EFNA5: variants seen among roughly 807,000 people sequenced by gnomAD.
The protein encoded by EFNA5 is ephrin-A5.
EFNA5 carries 5 observed loss-of-function variants against 22.9 expected under a neutral mutation model. That is an observed-to-expected ratio of 0.22 (90% confidence interval 0.11 to 0.46). EFNA5 has a LOEUF of 0.46. Ranked by LOEUF, EFNA5 falls within the 20% of genes least tolerant of loss-of-function variation. The pLI is 0.99. For synonymous variants in EFNA5, 113 were observed against 112.2 expected (o/e 1.01, Z -0.04); for missense variants, 237 against 293.3 (o/e 0.81, Z 1.40).
intron 1 of EFNA5, among the ~76,000 whole-genome samples, chr5:107,591,554 G>A (rs368219731): frequency 1.3e-5 from 2 of 151,728 alleles, no homozygotes; most frequent in Admixed American, 6.6e-5. Flanking sequence ...CGGGTGCAGT[G>A]GCTCACACTG....
At chr5:107,658,549 G>A (rs1330380857) in intron 1 of EFNA5, among the ~76,000 whole-genome samples, 1 of 152,126 alleles carries the variant, frequency 6.6e-6, no homozygotes, top group Non-Finnish European at 1.5e-5. Flanking sequence ...TTCTTAAATG[G>A]CAAATAATTT....
At chr5:107,467,791 T>C (rs1430825735) in intron 1 of EFNA5, among the ~76,000 whole-genome samples, 1 of 152,156 alleles carries the variant, frequency 6.6e-6, no homozygotes, top group Non-Finnish European at 1.5e-5. Context: ...CCACGCTGTC[T>C]TTCCCAGGCA....
chr5:107,635,659 A>G (rs143580660), intron 1 of EFNA5, among the ~76,000 whole-genome samples: 100 of 152,334 alleles, frequency 6.6e-4, no homozygotes, highest in African/African-American at 2.2e-3. Context: ...ATGGGTGTTT[A>G]AGAGAAATGG....
rs116344055 is a variant in EFNA5, at chr5:107,624,535, C to T, written c.125+45954G>A. Among the ~76,000 whole-genome samples the T allele has an allele frequency of 1.0e-2, 1,516 of 152,214 alleles. 26 individuals carry two copies. The highest frequency in any genetic ancestry group is 0.034 in the African/African-American group (1,417 of 41,526). On this transcript the variant is annotated intron_variant, in intron 1 of 4. Coordinates refer to ENST00000333274, the MANE Select transcript of EFNA5 (RefSeq NM_001962.3). ...TAGACATGTGGTCCAGCACAGGTGT[C>T]TATATTCCTTTGTCAAATTCTGGTT...
chr5:107,460,521 G>A (rs559136517), intron 1 of EFNA5, among the ~76,000 whole-genome samples: 31 of 152,240 alleles, frequency 2.0e-4, no homozygotes, highest in Middle Eastern at 3.4e-3. Flanking sequence ...CTGATTTATC[G>A]AAAACTTGAG....
At chr5:107,562,978 AT>A (rs1262630947) in intron 1 of EFNA5, among the ~76,000 whole-genome samples, 3 of 152,294 alleles carry the variant, frequency 2.0e-5, no homozygotes, top group African/African-American at 7.2e-5. Context: ...GAAAGGCCTC[AT>A]TTTCAGAGGA....
intron 1 of EFNA5, among the ~76,000 whole-genome samples, chr5:107,530,514 T>C (rs1028202571): frequency 5.9e-5 from 9 of 152,216 alleles, no homozygotes; most frequent in Non-Finnish European, 1.2e-4. Flanking sequence ...TACAGAAACA[T>C]TTTGCTCTTG....
intron 1 of EFNA5, among the ~76,000 whole-genome samples, chr5:107,593,362 T>C (rs1561443750): frequency 6.6e-6 from 1 of 152,194 alleles, no homozygotes; most frequent in Non-Finnish European, 1.5e-5. Flanking sequence ...CTGTTCTTTC[T>C]GGAAGGAGAG....
chr5:107,665,640 G>A (rs2112563946), intron 1 of EFNA5, among the ~76,000 whole-genome samples: 2 of 152,242 alleles, frequency 1.3e-5, no homozygotes, highest in South Asian at 4.1e-4. Flanking sequence ...GCCTCAAATA[G>A]CTCTAATGTT....
chr5:107,607,739 G>A (rs1749753099), intron 1 of EFNA5, among the ~76,000 whole-genome samples: 2 of 152,264 alleles, frequency 1.3e-5, no homozygotes, highest in South Asian at 2.1e-4. Flanking sequence ...GAAGGAGGGA[G>A]TGTATGACCA....
At chr5:107,631,639 C>CA (rs1163834025) in intron 1 of EFNA5, among the ~76,000 whole-genome samples, 3 of 151,752 alleles carry the variant, frequency 2.0e-5, no homozygotes, top group Non-Finnish European at 4.4e-5. Flanking sequence ...TATTTTCCTA[C>CA]AAAAAACATA....
At position 107,544,524 on chromosome 5, in the gene EFNA5, A is replaced by C. The variant is rs2112463001; in HGVS notation, c.126-117015T>G. Among the ~76,000 whole-genome samples the C allele has an allele frequency of 1.3e-5, 2 of 152,334 alleles. 1 individual carries two copies. The highest frequency in any genetic ancestry group is 4.1e-4 in the South Asian group (2 of 4,820). ...GTTCTGTGAATGATACAAAACTCTG[A>C]ACTTCAAATTACACAAAAGTAGCAC... On this transcript the variant is annotated intron_variant, in intron 1 of 4. Coordinates refer to ENST00000333274, the MANE Select transcript of EFNA5 (RefSeq NM_001962.3).
At chr5:107,477,443 A>G (rs1039463345) in intron 1 of EFNA5, among the ~76,000 whole-genome samples, 3 of 152,344 alleles carry the variant, frequency 2.0e-5, no homozygotes, top group East Asian at 1.9e-4. Flanking sequence ...CAGAAAATAC[A>G]TATTGGCAAA....
chr5:107,670,127 G>A (rs983232513), intron 1 of EFNA5, among the ~76,000 whole-genome samples: 34 of 151,518 alleles, frequency 2.2e-4, no homozygotes, highest in Middle Eastern at 3.2e-3. Context: ...GCTCCCGGCT[G>A]CGCACACTGG....
At chr5:107,530,283 A>T (rs1747782174) in intron 1 of EFNA5, among the ~76,000 whole-genome samples, 1 of 152,328 alleles carries the variant, frequency 6.6e-6, no homozygotes, top group Non-Finnish European at 1.5e-5. Flanking sequence ...AGGGAGAAGG[A>T]ATGGTGAAGC....
chr5:107,524,987 A>C (rs569835253), intron 1 of EFNA5, among the ~76,000 whole-genome samples: 57 of 152,340 alleles, frequency 3.7e-4, no homozygotes, highest in Non-Finnish European at 7.2e-4. Flanking sequence ...TATCATACAC[A>C]AACTGCACTT....
At chr5:107,511,428 TTA>T (rs1197708707) in intron 1 of EFNA5, among the ~76,000 whole-genome samples, 3 of 152,154 alleles carry the variant, frequency 2.0e-5, no homozygotes, top group African/African-American at 7.2e-5. Flanking sequence ...GTATGGAATA[TTA>T]TGATAGAATA....
chr5:107,642,101 G>C (rs947285601), intron 1 of EFNA5, among the ~76,000 whole-genome samples: 1 of 152,148 alleles, frequency 6.6e-6, no homozygotes, highest in South Asian at 2.1e-4. Flanking sequence ...CAATGACTTA[G>C]TAAAATCATA....
At chr5:107,571,489 C>T (rs936278057) in intron 1 of EFNA5, among the ~76,000 whole-genome samples, 1 of 150,360 alleles carries the variant, frequency 6.7e-6, no homozygotes. Context: ...CAATCACCCC[C>T]TCGTGCCAGA....
Sources: allele counts gnomAD v4.1 joint callset (sites outside exome capture counted in the v4.1 genomes callset), GRCh38; gene constraint gnomAD v4.1.1; transcripts MANE v1.5; gene names NCBI Gene and HGNC (gene_info 2026-07-23, HGNC 2026-07-21).